Variants in FABP7 observed in about 807,000 individuals in gnomAD.
FABP7 encodes fatty acid binding protein 7, also known as fatty acid-binding protein, brain.
In FABP7, 13 loss-of-function variants were observed where a neutral mutation model predicts 14.2. The observed-to-expected ratio is 0.91, with a 90% CI of 0.59 to 1.45. FABP7 has a LOEUF of 1.45. Among genes scored for constraint, FABP7 ranks in the 40% most tolerant of loss-of-function variants. FABP7 has a pLI of 0.00. For missense variants in FABP7, 149 were observed against 157.6 expected, an observed-to-expected ratio of 0.95 and a Z score of 0.29; for synonymous variants, 49 against 51.4, an observed-to-expected ratio of 0.95 and a Z score of 0.20.
the FABP7 span, among the ~76,000 whole-genome samples, chr6:122,769,554 A>G: frequency 2.0e-5 from 3 of 152,138 alleles, no homozygotes; most frequent in African/African-American, 7.2e-5. Context: ...GCATTCAGAA[A>G]AATGTATTTG....
chr6:122,782,949 A>G (rs10872251), intron 3 of FABP7: 165,427 of 985,262 alleles, frequency 0.17, 15,180 homozygotes, highest in South Asian at 0.35. Flanking sequence ...TTCCCAGAAC[A>G]CAGAAAAGTA....
intron 3 of FABP7, chr6:122,782,580 T>C (rs995608204): frequency 1.7e-5 from 17 of 985,316 alleles, no homozygotes; most frequent in Non-Finnish European, 2.0e-5. Flanking sequence ...CCTCAGACAC[T>C]TTTTGTGTGA....
the FABP7 span, among the ~76,000 whole-genome samples, chr6:122,770,971 T>G: frequency 6.6e-6 from 1 of 152,204 alleles, no homozygotes; most frequent in Non-Finnish European, 1.5e-5. Context: ...TGCAATATAC[T>G]TGTGTAAGAC....
At chr6:122,760,188 G>T in the FABP7 span, among the ~76,000 whole-genome samples, 1 of 152,104 alleles carries the variant, frequency 6.6e-6, no homozygotes, top group African/African-American at 2.4e-5. Flanking sequence ...ACACACCCAA[G>T]TATTCAAAGA....
the FABP7 span, among the ~76,000 whole-genome samples, chr6:122,760,233 A>G: frequency 2.0e-5 from 3 of 152,220 alleles, no homozygotes; most frequent in African/African-American, 7.2e-5. Flanking sequence ...CATCACTGTT[A>G]AGAAGTTCCC....
chr6:122,750,034 G>C, the FABP7 span, among the ~76,000 whole-genome samples: 1 of 152,020 alleles, frequency 6.6e-6, no homozygotes, highest in Admixed American at 6.5e-5. Flanking sequence ...AATTGAACAC[G>C]GGAATTATGA....
At chr6:122,765,399 C>T in the FABP7 span, among the ~76,000 whole-genome samples, 261 of 151,966 alleles carry the variant, frequency 1.7e-3, 2 homozygotes, top group African/African-American at 6.0e-3. Context: ...AAAGATAGAT[C>T]GATTTAGATA....
the FABP7 span, among the ~76,000 whole-genome samples, chr6:122,763,813 G>A: frequency 6.6e-6 from 1 of 152,226 alleles, no homozygotes; most frequent in East Asian, 1.9e-4. Flanking sequence ...CTGGTCATCA[G>A]AGAAATGCAA....
the FABP7 span, among the ~76,000 whole-genome samples, chr6:122,758,838 A>C: frequency 5.3e-5 from 8 of 152,258 alleles, no homozygotes; most frequent in Non-Finnish European, 1.5e-5. Context: ...GTTATGAATA[A>C]ATAAATATAC....
At chr6:122,769,989 T>C in the FABP7 span, among the ~76,000 whole-genome samples, 4 of 152,284 alleles carry the variant, frequency 2.6e-5, no homozygotes, top group Non-Finnish European at 5.9e-5. Flanking sequence ...ATGGCCCGCT[T>C]GTAATTTACA....
chr6:122,776,215 T>C (rs1780670712), upstream of FABP7, among the ~76,000 whole-genome samples: 1 of 152,184 alleles, frequency 6.6e-6, no homozygotes, highest in Non-Finnish European at 1.5e-5. Context: ...CAAAGAGTTA[T>C]CTGTGCTTCC....
chr6:122,781,652 C>A, intron 3 of FABP7: 2 of 1,040,158 alleles, frequency 1.9e-6, no homozygotes, highest in Non-Finnish European at 2.3e-6. Context: ...TATAAAGTTA[C>A]ACAAGTTCTG....
chr6:122,767,226 T>C, the FABP7 span, among the ~76,000 whole-genome samples: 45 of 152,122 alleles, frequency 3.0e-4, no homozygotes. Context: ...AAACATAATT[T>C]TTTATGGATG....
the FABP7 span, among the ~76,000 whole-genome samples, chr6:122,752,264 T>C: frequency 1.6e-4 from 24 of 152,260 alleles, no homozygotes; most frequent in Non-Finnish European, 1.6e-4. Flanking sequence ...TTTAGATGTG[T>C]TCATCCTTGC....
At chr6:122,771,522 C>T in the FABP7 span, among the ~76,000 whole-genome samples, 1 of 152,112 alleles carries the variant, frequency 6.6e-6, no homozygotes, top group Non-Finnish European at 1.5e-5. Flanking sequence ...CCATAGTAAA[C>T]AGATCAGAGG....
the FABP7 span, among the ~76,000 whole-genome samples, chr6:122,769,380 A>G: frequency 6.6e-6 from 1 of 152,178 alleles, no homozygotes; most frequent in South Asian, 2.1e-4. Context: ...ATATATTTGT[A>G]ACATAATTCA....
intron 2 of FABP7, 65 bp from the exon 3 acceptor site, chr6:122,781,028 G>C: frequency 6.6e-7 from 1 of 1,517,720 alleles, no homozygotes; most frequent in Non-Finnish European, 8.9e-7. Context: ...AAATCACATC[G>C]TCTTCCGTAT....
the FABP7 span, among the ~76,000 whole-genome samples, chr6:122,763,146 A>G: frequency 6.6e-6 from 1 of 152,230 alleles, no homozygotes; most frequent in East Asian, 1.9e-4. Context: ...CTATACTATA[A>G]GGGTACAGTA....
At chr6:122,766,575 T>C in the FABP7 span, among the ~76,000 whole-genome samples, 1 of 152,074 alleles carries the variant, frequency 6.6e-6, no homozygotes, top group African/African-American at 2.4e-5. Context: ...AAAGAGCATA[T>C]AACCCACCAG....
Sources: gnomAD v4.1 joint callset for allele counts (sites outside exome capture counted in the v4.1 genomes callset) on GRCh38, gnomAD v4.1.1 for gene constraint, MANE v1.5 for transcripts, NCBI Gene and HGNC (gene_info 2026-07-23, HGNC 2026-07-21) for gene names.